The following TMEM131L variants were observed in gnomAD, a reference collection of about 807,000 sequenced individuals.
TMEM131L encodes the protein transmembrane 131 like.
Under a neutral mutation model 192.2 loss-of-function variants are expected in TMEM131L, and 54 were observed. That is an observed-to-expected ratio of 0.28 (90% confidence interval 0.23 to 0.35). The LOEUF is 0.35. TMEM131L is among the 10% of genes least tolerant of loss of function. The probability of loss-of-function intolerance (pLI) is 1.00; values close to 1 mark genes in which losing one functional copy is unlikely to be tolerated. For synonymous variants in TMEM131L, 701 were observed against 704.9 expected (o/e 0.99, Z 0.09); for missense variants, 1,888 against 1,972.9 (o/e 0.96, Z 0.82).
At chr4:153,630,366 A>G (rs1347087266) in intron 31 of TMEM131L, among the ~76,000 whole-genome samples, 1 of 152,186 alleles carries the variant, frequency 6.6e-6, no homozygotes, top group African/African-American at 2.4e-5. Context: ...AGACCCAACC[A>G]GCTGAACAAA....
chr4:153,605,004 A>T (rs1437733272), intron 25 of TMEM131L, among the ~76,000 whole-genome samples: 8 of 152,166 alleles, frequency 5.3e-5, no homozygotes, highest in African/African-American at 1.9e-4. Context: ...AACCTGGCCT[A>T]AATTATTTTT....
intron 3 of TMEM131L, among the ~76,000 whole-genome samples, chr4:153,514,455 T>G (rs1018785280): frequency 6.6e-6 from 1 of 152,248 alleles, no homozygotes; most frequent in Non-Finnish European, 1.5e-5. Context: ...GTTTTGGTTT[T>G]CAAAGTGGAA....
chr4:153,498,174 A>G (rs968554099), intron 3 of TMEM131L, among the ~76,000 whole-genome samples: 1 of 152,224 alleles, frequency 6.6e-6, no homozygotes, highest in African/African-American at 2.4e-5. Flanking sequence ...CTTTATTCAC[A>G]AATGATGCTT....
chr4:153,581,560 G>C lies in TMEM131L; in HGVS notation c.892G>C (p.Asp298His). 1 of 1,529,468 alleles carries C rather than the reference G, an allele frequency of 6.5e-7. No individual in the cohort carries two copies. Among genetic ancestry groups the C allele is most frequent in the Non-Finnish European group, 8.8e-7 (1 of 1,133,838 alleles). 94.7% of individuals were successfully genotyped at this position (1,529,468 alleles called of 1,614,324 possible). A position where few individuals can be genotyped will look rare whatever the true frequency, so the allele number is the denominator to read the frequency against. ...AGCTACAGATGAATCTGAGACCTCAGGTAAGGTGGAATGTTTAAAAATTTT... is the reference window on the plus strand; with the variant it reads ...AGCTACAGATGAATCTGAGACCTCACGTAAGGTGGAATGTTTAAAAATTTT... Reference protein sequence around the residue: ...YVATDESETSDDSAVNMYILH... With the variant: ...YVATDESETSHDSAVNMYILH... Residue 298 changes from aspartate to histidine, a missense_variant and splice_region_variant, in exon 9 of 35, where the codon GAT (aspartate) becomes CAT (histidine). Physicochemically the swap from Asp to His is moderately conservative, Grantham distance 81. Coordinates refer to ENST00000409959, the MANE Select transcript of TMEM131L (RefSeq NM_001131007.2).
At position 153,636,697 on chromosome 4, in the gene TMEM131L, A is replaced by C; in HGVS notation, c.*121A>C. 1.0e-6 allele frequency: 1 copy of C among 958,686 alleles called. No individual in the cohort carries two copies. Among genetic ancestry groups the C allele is most frequent in the Non-Finnish European group, 1.5e-6 (1 of 660,190 alleles). 59.4% of individuals were successfully genotyped at this position (958,686 alleles called of 1,614,324 possible). Reference sequence around the variant, plus strand: ...ATTTTGGCACTTTTATATGAAAATAAATTTTTTAATGAAATCTGGGTGCTC... The same window carrying C: ...ATTTTGGCACTTTTATATGAAAATACATTTTTTAATGAAATCTGGGTGCTC... On this transcript the variant is annotated 3_prime_UTR_variant, in exon 35 of 35. Transcript: ENST00000409959.
At chr4:153,472,236 A>G (rs1274347500) in intron 2 of TMEM131L, among the ~76,000 whole-genome samples, 1 of 152,236 alleles carries the variant, frequency 6.6e-6, no homozygotes. Context: ...AGAAAGTGAC[A>G]GTCCTAGGAG....
intron 3 of TMEM131L, among the ~76,000 whole-genome samples, chr4:153,483,817 C>T (rs935835811): frequency 6.6e-6 from 1 of 152,122 alleles, no homozygotes; most frequent in African/African-American, 2.4e-5. Context: ...AGGAAGGCTT[C>T]TAGCTAGAGA....
rs151157934 is a variant in TMEM131L at position 153,636,519 on chromosome 4, G to C, written c.4776G>C (p.Ala1592=). Residue 1592 remains alanine, a synonymous_variant, in exon 35 of 35, where the codon GCG becomes GCC. Coordinates refer to ENST00000409959, the MANE Select transcript of TMEM131L (RefSeq NM_001131007.2). ...ACCTGGACATATGGACTACCACAGC[G>C]AATAGGAATGCAAATTTCCCACTGT... ...YMNLDIWTTT[A]NRNANFPLSR... is the part of the protein sequence containing the mutation. The C allele has an allele frequency of 6.2e-7, 1 of 1,614,068 alleles. No individual in the cohort carries two copies. The highest frequency in any genetic ancestry group is 1.3e-5 in the African/African-American group (1 of 74,928).
chr4:153,484,715 G>A (rs186017233), intron 3 of TMEM131L, among the ~76,000 whole-genome samples: 2,925 of 148,584 alleles, frequency 0.02, 54 homozygotes, highest in South Asian at 0.069. Context: ...TGATCCGCCC[G>A]CCTCGGCCTC....
chr4:153,604,212 T>C lies in TMEM131L; in HGVS notation c.3200T>C (p.Phe1067Ser). The change falls in exon 25 of 35, where the codon TTC (phenylalanine) becomes TCC (serine). Residue 1067 changes from phenylalanine (F) to serine (S), a missense_variant. Physicochemically the swap from Phe to Ser is radical, Grantham distance 155 (BLOSUM62 -2). Transcript: ENST00000409959. ...AACACACTGAAAAACACAATTGTTT[T>C]CAGTAATCCTTCTTCAGAATGTAGT... ...EENTLKNTIV[F>S]SNPSSECSMK... The C allele has an allele frequency of 6.2e-7, 1 of 1,614,098 alleles. No homozygotes were observed. Among genetic ancestry groups the C allele is most frequent in the Middle Eastern group, 1.7e-4 (1 of 6,060 alleles).
intron 31 of TMEM131L, among the ~76,000 whole-genome samples, chr4:153,629,495 A>G (rs1734070704): frequency 6.6e-6 from 1 of 152,212 alleles, no homozygotes; most frequent in Non-Finnish European, 1.5e-5. Context: ...GTCATTAAAA[A>G]TTCAACAATA....
chr4:153,612,669 A>G (rs16998879), intron 26 of TMEM131L, among the ~76,000 whole-genome samples: 6,496 of 152,222 alleles, frequency 0.043, 376 homozygotes, highest in African/African-American at 0.13. Context: ...GGCAGAGTAG[A>G]ACTTGACTAA....
In TMEM131L at chr4:153,634,183, T is replaced by C; in HGVS notation, c.4329-9T>C. On this transcript the variant is annotated splice_polypyrimidine_tract_variant and intron_variant, in intron 32 of 34. Transcript: ENST00000409959. ...TGTTTCTGATTAGACCACTTGTTTT[T>C]TGTGGCAGTTTCATTGATTGGAGTG... 1 of 1,612,960 alleles carries C rather than the reference T, an allele frequency of 6.2e-7. No homozygotes were observed. Among genetic ancestry groups the C allele is most frequent in the Non-Finnish European group, 8.5e-7 (1 of 1,178,884 alleles).
intron 27 of TMEM131L, among the ~76,000 whole-genome samples, chr4:153,621,247 C>T (rs1733379950): frequency 6.6e-6 from 1 of 152,200 alleles, no homozygotes; most frequent in Non-Finnish European, 1.5e-5. Flanking sequence ...AGGCAGGCCT[C>T]TGCTGTTCCC....
intron 3 of TMEM131L, among the ~76,000 whole-genome samples, chr4:153,487,111 A>G (rs1580049221): frequency 6.6e-6 from 1 of 152,208 alleles, no homozygotes; most frequent in African/African-American, 2.4e-5. Context: ...CAAGCCCTCC[A>G]GGTGGCTCTG....
At chr4:153,498,188 A>G (rs1733326990) in intron 3 of TMEM131L, among the ~76,000 whole-genome samples, 1 of 152,214 alleles carries the variant, frequency 6.6e-6, no homozygotes, top group Non-Finnish European at 1.5e-5. Context: ...GATGCTTGGT[A>G]GGCTCTGGAC....
chr4:153,586,061 A>G (rs1386184420), intron 13 of TMEM131L, 148 bp from the exon 14 acceptor site: 2 of 543,610 alleles, frequency 3.7e-6, no homozygotes, highest in South Asian at 4.4e-5. Context: ...TATCATTTCT[A>G]TAAAAATATT....
intron 3 of TMEM131L, among the ~76,000 whole-genome samples, chr4:153,527,735 A>G (rs2150202998): frequency 6.6e-6 from 1 of 152,224 alleles, no homozygotes; most frequent in Non-Finnish European, 1.5e-5. Flanking sequence ...TTCGTGTTTG[A>G]GGAAACGCAG....
intron 3 of TMEM131L, among the ~76,000 whole-genome samples, chr4:153,490,540 T>C (rs1009149278): frequency 2.6e-5 from 4 of 152,164 alleles, no homozygotes; most frequent in African/African-American, 9.7e-5. Context: ...TTTCAGGTAA[T>C]ATAGTTAGGA....
Sources: allele counts gnomAD v4.1 joint callset (sites outside exome capture counted in the v4.1 genomes callset), GRCh38; gene constraint gnomAD v4.1.1; transcripts MANE v1.5; gene names NCBI Gene and HGNC (gene_info 2026-07-23, HGNC 2026-07-21).